Variants in KCNIP4 observed in about 807,000 individuals in gnomAD.
KCNIP4 encodes the protein potassium voltage-gated channel interacting protein 4.
In KCNIP4, 12 loss-of-function variants were observed where a neutral mutation model predicts 34.0. The ratio of observed to expected loss-of-function variants is 0.35; its 90% CI spans 0.23 to 0.57. The LOEUF (loss-of-function observed/expected upper bound fraction) is 0.57. Ranked by LOEUF, KCNIP4 falls within the 20% of genes least tolerant of loss-of-function variation. The pLI is 0.83. For missense variants in KCNIP4, 238 were observed against 311.7 expected, an observed-to-expected ratio of 0.76 and a Z score of 1.78; for synonymous variants, 124 against 102.2, an observed-to-expected ratio of 1.21 and a Z score of -1.29.
Position 20,732,546 on chromosome 4 carries a change from T to C in KCNIP4, c.642+135A>G, listed in dbSNP as rs560416817. 126 of 667,962 alleles carry C rather than the reference T, an allele frequency of 1.9e-4. 1 individual carries two copies. Among genetic ancestry groups the C allele is most frequent in the Non-Finnish European group, 3.1e-4 (116 of 376,402 alleles). 41.4% of individuals were successfully genotyped at this position (667,962 alleles called of 1,614,324 possible). On this transcript the variant is annotated intron_variant, in intron 7 of 8. Coordinates refer to ENST00000382152, the MANE Select transcript of KCNIP4 (RefSeq NM_025221.6). ...TTCAAAACCAAAGCTATTAAATTAA[T>C]AGGATGCTAAATACTGTTTTGTTTC...
intron 1 of KCNIP4, among the ~76,000 whole-genome samples, chr4:21,933,365 T>TG (rs1470604952): frequency 6.6e-6 from 1 of 152,008 alleles, no homozygotes; most frequent in Non-Finnish European, 1.5e-5. Flanking sequence ...AGGGGTGGAA[T>TG]GGGGGGATGG....
chr4:20,819,909 G>T (rs539091904), intron 3 of KCNIP4, among the ~76,000 whole-genome samples: 1 of 152,186 alleles, frequency 6.6e-6, no homozygotes, highest in Non-Finnish European at 1.5e-5. Flanking sequence ...CCAGCCTCCA[G>T]AACTGTGATA....
At chr4:21,118,669 T>G (rs907166985) in intron 1 of KCNIP4, among the ~76,000 whole-genome samples, 4 of 151,762 alleles carry the variant, frequency 2.6e-5, no homozygotes, top group South Asian at 2.1e-4. Flanking sequence ...TGGTGGGGGG[T>G]GGTGGTGCGG....
intron 1 of KCNIP4, among the ~76,000 whole-genome samples, chr4:21,454,609 A>G (rs1728770610): frequency 6.6e-6 from 1 of 152,120 alleles, no homozygotes; most frequent in Admixed American, 6.6e-5. Flanking sequence ...CAATTTACCA[A>G]CATAACTCAC....
intron 1 of KCNIP4, among the ~76,000 whole-genome samples, chr4:21,480,530 A>T (rs901316152): frequency 1.3e-5 from 2 of 152,208 alleles, no homozygotes; most frequent in Non-Finnish European, 2.9e-5. Context: ...AAGAATACTC[A>T]CTTGCATCAA....
At chr4:21,827,634 T>A (rs536264335) in intron 1 of KCNIP4, among the ~76,000 whole-genome samples, 28 of 152,130 alleles carry the variant, frequency 1.8e-4, no homozygotes, top group African/African-American at 6.7e-4. Context: ...CAGAAACCCC[T>A]ACATAAATAT....
intron 1 of KCNIP4, among the ~76,000 whole-genome samples, chr4:21,381,466 C>A (rs1447223288): frequency 1.3e-5 from 2 of 152,132 alleles, no homozygotes; most frequent in Non-Finnish European, 2.9e-5. Context: ...GCATTCTTGG[C>A]TCATTCATGT....
chr4:21,449,402 G>C (rs1376204064), intron 1 of KCNIP4, among the ~76,000 whole-genome samples: 1 of 152,036 alleles, frequency 6.6e-6, no homozygotes, highest in African/African-American at 2.4e-5. Context: ...ATCATATTTA[G>C]AGTCTCACCC....
chr4:21,445,429 T>C (rs183667065), intron 1 of KCNIP4, among the ~76,000 whole-genome samples: 3,252 of 152,190 alleles, frequency 0.021, 122 homozygotes, highest in African/African-American at 0.074. Context: ...AACAGAGATA[T>C]AGACCAACGG....
chr4:20,731,942 T>C (rs1748367071), intron 8 of KCNIP4, 64 bp downstream of exon 8: 25 of 1,600,262 alleles, frequency 1.6e-5, no homozygotes, highest in South Asian at 3.4e-5. Flanking sequence ...GGTAGCTAGC[T>C]GCTAATACTC....
At chr4:20,967,013 A>C (rs1325435446) in intron 1 of KCNIP4, among the ~76,000 whole-genome samples, 2 of 152,094 alleles carry the variant, frequency 1.3e-5, no homozygotes, top group East Asian at 3.9e-4. Flanking sequence ...GAAAAATTTG[A>C]CCTGTGTATC....
chr4:20,841,834 C>T (rs1361041423), intron 3 of KCNIP4, among the ~76,000 whole-genome samples: 3 of 151,968 alleles, frequency 2.0e-5, no homozygotes, highest in Admixed American at 6.6e-5. Flanking sequence ...ATACAAATGA[C>T]GTTCCAGGTT....
intron 1 of KCNIP4, among the ~76,000 whole-genome samples, chr4:21,218,004 T>TTAA (rs1757718158): frequency 6.9e-6 from 1 of 143,902 alleles, no homozygotes; most frequent in African/African-American, 2.7e-5. Flanking sequence ...TTTTTAAATT[T>TTAA]ATTTATTTAT....
At chr4:21,421,395 A>G (rs988365324) in intron 1 of KCNIP4, among the ~76,000 whole-genome samples, 3 of 152,210 alleles carry the variant, frequency 2.0e-5, no homozygotes, top group African/African-American at 7.2e-5. Context: ...GGATAAATGG[A>G]TAAAGAAAAT....
intron 1 of KCNIP4, among the ~76,000 whole-genome samples, chr4:21,314,989 T>C (rs16870787): frequency 0.037 from 5,608 of 152,310 alleles, 209 homozygotes; most frequent in South Asian, 0.13. Flanking sequence ...GCTGATCTTA[T>C]GATCTATTCA....
At chr4:21,299,203 T>C (rs1383806915) in intron 1 of KCNIP4, among the ~76,000 whole-genome samples, 1 of 152,008 alleles carries the variant, frequency 6.6e-6, no homozygotes, top group Non-Finnish European at 1.5e-5. Flanking sequence ...TAGGTGATAA[T>C]AAAAAGATAT....
chr4:21,511,819 A>G (rs772239251), intron 1 of KCNIP4, among the ~76,000 whole-genome samples: 4 of 151,986 alleles, frequency 2.6e-5, no homozygotes, highest in Admixed American at 6.6e-5. Context: ...TTTACATTCT[A>G]TTTTCTTTTT....
intron 1 of KCNIP4, among the ~76,000 whole-genome samples, chr4:21,266,580 G>A (rs956616621): frequency 6.6e-6 from 1 of 152,188 alleles, no homozygotes; most frequent in East Asian, 1.9e-4. Context: ...TATGGCTAAA[G>A]CTAAGAAGTA....
intron 1 of KCNIP4, among the ~76,000 whole-genome samples, chr4:20,931,320 C>G (rs2149601881): frequency 6.6e-6 from 1 of 152,008 alleles, no homozygotes; most frequent in East Asian, 1.9e-4. Context: ...TGAAATAAGC[C>G]AGATAGTAAG....
Sources: allele counts gnomAD v4.1 joint callset (sites outside exome capture counted in the v4.1 genomes callset), GRCh38; gene constraint gnomAD v4.1.1; transcripts MANE v1.5; gene names NCBI Gene and HGNC (gene_info 2026-07-23, HGNC 2026-07-21).